NUDT7: variants seen among roughly 807,000 people sequenced by gnomAD.
The protein encoded by NUDT7 is peroxisomal coenzyme A diphosphatase NUDT7.
A neutral mutation model predicts 13.1 loss-of-function variants in NUDT7; 19 were observed. That is an observed-to-expected ratio of 1.45 (90% confidence interval 1.01 to 2.13). The LOEUF (loss-of-function observed/expected upper bound fraction) is 2.13. NUDT7 is among the 30% of genes most tolerant of loss of function. The pLI is 0.00. For synonymous variants in NUDT7, 132 were observed against 109.7 expected (o/e 1.20, Z -1.27); for missense variants, 360 against 291.7 (o/e 1.23, Z -1.71).
At chr16:77,727,956 C>G (rs1012610549) in intron 2 of NUDT7, among the ~76,000 whole-genome samples, 1 of 152,146 alleles carries the variant, frequency 6.6e-6, no homozygotes, top group Non-Finnish European at 1.5e-5. Context: ...ACTCAACCAA[C>G]GGGGTCTCTA....
chr16:77,739,094 C>A (rs1029599478), intron 3 of NUDT7, among the ~76,000 whole-genome samples: 2 of 152,218 alleles, frequency 1.3e-5, no homozygotes, highest in Non-Finnish European at 2.9e-5. Flanking sequence ...CAGGCCCCTT[C>A]ATATTCCTCT....
rs2014692700 is a variant in NUDT7 at position 77,742,250 on chromosome 16, T to A, written c.*300T>A. On this transcript the variant is annotated 3_prime_UTR_variant, in exon 4 of 4. Transcript: ENST00000268533. ...TACTAGGCCCTTAATAAAGATTTTT[T>A]GAATATATAACCATGTGGCATTTAC... 1.7e-6 allele frequency: 1 copy of A among 576,544 alleles called. No homozygotes were observed. Among genetic ancestry groups the A allele is most frequent in the African/African-American group, 1.9e-5 (1 of 51,414 alleles). The allele number at this position is 576,544 out of a possible 1,614,324, so 35.7% of individuals were successfully genotyped here.
intron 2 of NUDT7, among the ~76,000 whole-genome samples, chr16:77,727,665 G>C (rs2014181435): frequency 6.6e-6 from 1 of 152,170 alleles, no homozygotes; most frequent in Non-Finnish European, 1.5e-5. Context: ...GACCAGTCTG[G>C]CCAACATGGC....
At chr16:77,739,003 A>C (rs2014575255) in intron 3 of NUDT7, among the ~76,000 whole-genome samples, 1 of 152,212 alleles carries the variant, frequency 6.6e-6, no homozygotes, top group Non-Finnish European at 1.5e-5. Context: ...TGGGAACTAG[A>C]CTAGGTGCCC....
chr16:77,736,693 TG>T, intron 3 of NUDT7: 1 of 287,428 alleles, frequency 3.5e-6, no homozygotes, highest in Non-Finnish European at 7.5e-6. Flanking sequence ...CTCGAGCTCC[TG>T]GCCTCAAGTG....
At chr16:77,733,409 A>G (rs1009970233) in intron 2 of NUDT7, among the ~76,000 whole-genome samples, 1 of 152,182 alleles carries the variant, frequency 6.6e-6, no homozygotes. Flanking sequence ...TCTCTTTTAT[A>G]AGGGCATTCA....
chr16:77,723,088 A>C (rs1310660617), intron 1 of NUDT7, among the ~76,000 whole-genome samples: 1 of 152,212 alleles, frequency 6.6e-6, no homozygotes, highest in Non-Finnish European at 1.5e-5. Context: ...AATTGAGACC[A>C]TGCTCAGAAC....
At chr16:77,735,524 T>A (rs1454474774) in intron 2 of NUDT7, 1 of 559,596 alleles carries the variant, frequency 1.8e-6, no homozygotes, top group Non-Finnish European at 3.2e-6. Flanking sequence ...CAACCAAACC[T>A]CTTTTCTTTA....
chr16:77,732,131 C>T (rs2014336899), intron 2 of NUDT7, among the ~76,000 whole-genome samples: 1 of 151,938 alleles, frequency 6.6e-6, no homozygotes, highest in African/African-American at 2.4e-5. Flanking sequence ...AGTTCGAGAC[C>T]AGCCTGGCCA....
chr16:77,738,740 G>A (rs77900577), intron 3 of NUDT7, among the ~76,000 whole-genome samples: 3,648 of 152,164 alleles, frequency 0.024, 142 homozygotes, highest in African/African-American at 0.079. Context: ...GTATGTACCC[G>A]CTACATAAGC....
chr16:77,722,756 C>T (rs2013999473), intron 1 of NUDT7, 139 bp downstream of exon 1: 2 of 772,384 alleles, frequency 2.6e-6, no homozygotes, highest in Admixed American at 2.1e-5. Context: ...TGGGGGAGCA[C>T]TCGCCTCCAG....
intron 2 of NUDT7, among the ~76,000 whole-genome samples, chr16:77,733,908 A>G (rs2014396256): frequency 6.6e-6 from 1 of 152,190 alleles, no homozygotes; most frequent in African/African-American, 2.4e-5. Flanking sequence ...GCCCTGCAGA[A>G]GAGAGAACAG....
At chr16:77,730,941 T>G (rs1472447306) in intron 2 of NUDT7, among the ~76,000 whole-genome samples, 1 of 152,124 alleles carries the variant, frequency 6.6e-6, no homozygotes, top group Non-Finnish European at 1.5e-5. Flanking sequence ...TTTTTTATTA[T>G]TGATATTGAG....
rs2014449357 is a variant in NUDT7 at position 77,735,493 on chromosome 16, A to G, written c.190-335A>G. ...CAGACGCCAGCATCATGCTCCCTGT[A>G]CGGCCTGCGAGACTGTGAGCCAACC... On this transcript the variant is annotated intron_variant, in intron 2 of 3. Transcript: ENST00000268533. The G allele has an allele frequency of 6.4e-6, 4 of 622,416 alleles. No individual in the cohort carries two copies. In the South Asian group the frequency reaches 8.2e-5, roughly 13 times the overall value. The allele number at this position is 622,416 out of a possible 1,614,324, so 38.6% of individuals were successfully genotyped here.
chr16:77,737,642 C>T (rs889426656), intron 3 of NUDT7, among the ~76,000 whole-genome samples: 5 of 152,044 alleles, frequency 3.3e-5, no homozygotes, highest in African/African-American at 1.2e-4. Flanking sequence ...CCCATCACCG[C>T]GCCCGGCTAA....
chr16:77,722,728 C>A, intron 1 of NUDT7, 111 bp downstream of exon 1: 4 of 1,021,408 alleles, frequency 3.9e-6, no homozygotes, highest in South Asian at 2.8e-5. Context: ...TCCCGCCAGT[C>A]CACCTGCGAG....
At position 77,742,243 on chromosome 16, in the gene NUDT7, G is replaced by C; in HGVS notation, c.*293G>C. ...TGGCACATACTAGGCCCTTAATAAAGATTTTTTGAATATATAACCATGTGG... is the reference window on the plus strand; with the variant it reads ...TGGCACATACTAGGCCCTTAATAAACATTTTTTGAATATATAACCATGTGG... On this transcript the variant is annotated 3_prime_UTR_variant, in exon 4 of 4. Transcript: ENST00000268533. 1 of 655,380 alleles carries C rather than the reference G, an allele frequency of 1.5e-6. No individual in the cohort carries two copies. Among genetic ancestry groups the C allele is most frequent in the Non-Finnish European group, 2.0e-6 (1 of 503,838 alleles). 40.6% of individuals were successfully genotyped at this position (655,380 alleles called of 1,614,324 possible).
rs527834656 is a variant in NUDT7 at position 77,741,304 on chromosome 16, A to C, written c.349-278A>C. Among the ~76,000 whole-genome samples, 9 of 152,352 alleles carry C rather than the reference A, an allele frequency of 5.9e-5. No individual in the cohort carries two copies. The South Asian group carries it at 1.9e-3, about 32-fold the overall frequency. ...ATGCAATTCCCAGGTCAAAGCGAACACATTTTTATGATACTGCCAAATTGC... is the reference window on the plus strand; with the variant it reads ...ATGCAATTCCCAGGTCAAAGCGAACCCATTTTTATGATACTGCCAAATTGC... On this transcript the variant is annotated intron_variant, in intron 3 of 3. Transcript: ENST00000268533.
At chr16:77,730,927 A>T (rs921666927) in intron 2 of NUDT7, among the ~76,000 whole-genome samples, 15 of 150,794 alleles carry the variant, frequency 9.9e-5, no homozygotes, top group African/African-American at 1.7e-4. Context: ...CCATTTTTAA[A>T]TTTTTTTTTA....
Sources: allele counts gnomAD v4.1 joint callset (sites outside exome capture counted in the v4.1 genomes callset), GRCh38; gene constraint gnomAD v4.1.1; transcripts MANE v1.5; gene names NCBI Gene and HGNC (gene_info 2026-07-23, HGNC 2026-07-21).